MSRA: variants seen among roughly 807,000 people sequenced by gnomAD.
MSRA encodes methionine sulfoxide reductase A.
In MSRA, 54 loss-of-function variants were observed where a neutral mutation model predicts 31.3. That is an observed-to-expected ratio of 1.73 (90% CI 1.39 to 2.17). The LOEUF (loss-of-function observed/expected upper bound fraction) is 2.17, where lower values mean the gene tolerates loss of function less well. MSRA is among the 30% of genes most tolerant of loss of function. The pLI, the probability that MSRA is intolerant of heterozygous loss-of-function variation, is 0.00. For missense variants in MSRA, 507 were observed against 300.9 expected (o/e 1.69, Z -5.07); for synonymous variants, 169 against 116.5 (o/e 1.45, Z -2.90).
At chr8:10,280,606 G>GT (rs1427190110) in intron 3 of MSRA, among the ~76,000 whole-genome samples, 6 of 152,182 alleles carry the variant, frequency 3.9e-5, no homozygotes, top group Non-Finnish European at 7.3e-5. Context: ...GGAAACCAGT[G>GT]TGGCAGTTCC....
At chr8:10,076,584 A>T (rs1000964354) in intron 1 of MSRA, among the ~76,000 whole-genome samples, 1 of 152,138 alleles carries the variant, frequency 6.6e-6, no homozygotes, top group Non-Finnish European at 1.5e-5. Context: ...TCTTGCAGGC[A>T]GTGTTGTTCC....
At chr8:10,066,998 G>A (rs1476092613) in intron 1 of MSRA, among the ~76,000 whole-genome samples, 2 of 151,720 alleles carry the variant, frequency 1.3e-5, no homozygotes, top group African/African-American at 4.8e-5. Context: ...CAATTGATGA[G>A]CCAATATAGA....
chr8:10,257,756 G>C (rs1209169768), intron 3 of MSRA, among the ~76,000 whole-genome samples: 1 of 152,204 alleles, frequency 6.6e-6, no homozygotes, highest in East Asian at 1.9e-4. Context: ...AGGCTTTGAT[G>C]AGCAGCAGAG....
chr8:10,196,139 G>T (rs547291871), intron 1 of MSRA, among the ~76,000 whole-genome samples: 1 of 152,202 alleles, frequency 6.6e-6, no homozygotes, highest in Non-Finnish European at 1.5e-5. Flanking sequence ...CCAGGCATAC[G>T]ATGTGCCTTC....
chr8:10,279,535 A>C (rs191427856), intron 3 of MSRA, among the ~76,000 whole-genome samples: 1 of 152,028 alleles, frequency 6.6e-6, no homozygotes, highest in South Asian at 2.1e-4. Context: ...TCTCTGTATG[A>C]CTGGTTTACG....
At chr8:10,322,614 G>A (rs1208140661) in intron 5 of MSRA, among the ~76,000 whole-genome samples, 1 of 152,186 alleles carries the variant, frequency 6.6e-6, no homozygotes, top group Non-Finnish European at 1.5e-5. Flanking sequence ...GCCATGGGCT[G>A]TTTCTGCCTT....
chr8:10,167,428 A>T (rs1472605361), intron 1 of MSRA, among the ~76,000 whole-genome samples: 1 of 152,172 alleles, frequency 6.6e-6, no homozygotes. Flanking sequence ...AAGGCTTCAG[A>T]TGTGTTTGGT....
intron 1 of MSRA, among the ~76,000 whole-genome samples, chr8:10,077,421 C>T (rs1366908906): frequency 6.7e-6 from 1 of 148,874 alleles, no homozygotes; most frequent in African/African-American, 2.5e-5. Flanking sequence ...TGAAGAAAAT[C>T]TAAATTTTGT....
chr8:10,320,645 G>T (rs939594030), intron 5 of MSRA, among the ~76,000 whole-genome samples: 1 of 152,096 alleles, frequency 6.6e-6, no homozygotes, highest in Non-Finnish European at 1.5e-5. Context: ...GTAACAAACA[G>T]TCACAGCCTG....
chr8:10,094,412 C>T (rs544809887), intron 1 of MSRA, among the ~76,000 whole-genome samples: 1 of 152,268 alleles, frequency 6.6e-6, no homozygotes, highest in Admixed American at 6.5e-5. Flanking sequence ...ATTTGATTGG[C>T]GGAGCACACA....
chr8:10,374,852 G>A (rs775952398), intron 5 of MSRA, among the ~76,000 whole-genome samples: 16 of 152,146 alleles, frequency 1.1e-4, no homozygotes, highest in Non-Finnish European at 1.9e-4. Context: ...CAGATGCTTC[G>A]TGAATGGCTT....
chr8:10,351,213 A>G (rs1027835166), intron 5 of MSRA, among the ~76,000 whole-genome samples: 1 of 142,724 alleles, frequency 7.0e-6, no homozygotes, highest in Non-Finnish European at 1.5e-5. Context: ...ACATCATGTA[A>G]TGAATGATGG....
chr8:10,256,984 T>C (rs1346489896), intron 3 of MSRA, among the ~76,000 whole-genome samples: 1 of 152,212 alleles, frequency 6.6e-6, no homozygotes, highest in East Asian at 1.9e-4. Flanking sequence ...TCCTTCATAA[T>C]AGCTCAGTGA....
chr8:10,173,480 T>C (rs559650684), intron 1 of MSRA, among the ~76,000 whole-genome samples: 1 of 152,330 alleles, frequency 6.6e-6, no homozygotes, highest in East Asian at 1.9e-4. Flanking sequence ...CTGGGCCAAG[T>C]CTTCTTTCCG....
intron 1 of MSRA, among the ~76,000 whole-genome samples, chr8:10,159,828 A>G (rs958176572): frequency 1.2e-4 from 18 of 152,212 alleles, no homozygotes; most frequent in African/African-American, 4.3e-4. Context: ...ATCTCTAAAT[A>G]TCTAACCCAT....
intron 1 of MSRA, among the ~76,000 whole-genome samples, chr8:10,055,977 A>C (rs1802339440): frequency 6.6e-6 from 1 of 152,140 alleles, no homozygotes; most frequent in Non-Finnish European, 1.5e-5. Flanking sequence ...TTTTGAAACA[A>C]ATCTAGATTA....
chr8:10,074,652 C>CTT (rs1161210868), intron 1 of MSRA, among the ~76,000 whole-genome samples: 1 of 151,992 alleles, frequency 6.6e-6, no homozygotes, highest in Non-Finnish European at 1.5e-5. Flanking sequence ...ACCCCTTCTT[C>CTT]TTCTTTTCTT....
intron 5 of MSRA, among the ~76,000 whole-genome samples, chr8:10,335,936 G>A (rs1585508920): frequency 6.6e-6 from 1 of 152,166 alleles, no homozygotes; most frequent in African/African-American, 2.4e-5. Context: ...GGGGAGCCCA[G>A]GATGCACACT....
chr8:10,148,065 C>G (rs1242970919), intron 1 of MSRA, among the ~76,000 whole-genome samples: 1 of 152,158 alleles, frequency 6.6e-6, no homozygotes, highest in Admixed American at 6.5e-5. Flanking sequence ...GACGTGAGAC[C>G]CCAGCCTGGC....
Sources: gnomAD v4.1 joint callset for allele counts (sites outside exome capture counted in the v4.1 genomes callset) on GRCh38, gnomAD v4.1.1 for gene constraint, MANE v1.5 for transcripts, NCBI Gene and HGNC (gene_info 2026-07-23, HGNC 2026-07-21) for gene names.